The following PTPRT variants were observed in gnomAD, a reference collection of about 807,000 sequenced individuals.
PTPRT encodes protein tyrosine phosphatase receptor type T.
In PTPRT, 56 loss-of-function variants were observed where a neutral mutation model predicts 176.8. The observed-to-expected ratio is 0.32, with a 90% confidence interval of 0.26 to 0.40. The LOEUF is 0.40. PTPRT is among the 10% of genes least tolerant of loss of function. The pLI is 1.00. For synonymous variants in PTPRT, 783 were observed against 739.0 expected (o/e 1.06, Z -0.96); for missense variants, 1,540 against 1,908.2 (o/e 0.81, Z 3.60).
At chr20:43,120,556 C>A (rs2013222453) in intron 1 of PTPRT, among the ~76,000 whole-genome samples, 1 of 152,242 alleles carries the variant, frequency 6.6e-6, no homozygotes, top group Non-Finnish European at 1.5e-5. Context: ...CAGGCGTGAG[C>A]CACCACACCC....
rs550273391 is a variant in PTPRT at position 43,167,602 on chromosome 20, C to T, written c.88+22044G>A. Among the ~76,000 whole-genome samples the T allele has an allele frequency of 3.0e-4, 46 of 152,294 alleles. 1 individual carries two copies. In the South Asian group the frequency reaches 3.1e-3, roughly 10 times the overall value. ...AAGCAACAGAGCATGGTAAAGGTGA[C>T]GGGATATCATTTATGTGATTAGGCT... On this transcript the variant is annotated intron_variant, in intron 1 of 30. Transcript: ENST00000373187.
chr20:43,129,969 G>C (rs948901888), intron 1 of PTPRT, among the ~76,000 whole-genome samples: 3 of 152,144 alleles, frequency 2.0e-5, no homozygotes, highest in East Asian at 1.9e-4. Flanking sequence ...AATTCACAGA[G>C]AGACCTAGAA....
intron 6 of PTPRT, among the ~76,000 whole-genome samples, chr20:42,703,149 T>G (rs1043626467): frequency 2.0e-5 from 3 of 152,250 alleles, no homozygotes; most frequent in Admixed American, 2.0e-4. Context: ...CTGGGATTAG[T>G]ACTGCTGCAG....
At position 42,165,033 on chromosome 20, in the gene PTPRT, C is replaced by T. The variant is rs73909225; in HGVS notation, c.2492-3491G>A. Among the ~76,000 whole-genome samples the T allele has an allele frequency of 9.0e-3, 1,374 of 152,176 alleles. 11 individuals carry two copies. Among genetic ancestry groups the T allele is most frequent in the African/African-American group, 0.022 (900 of 41,518 alleles). On this transcript the variant is annotated intron_variant, in intron 16 of 30. Transcript: ENST00000373187. ...CCCTGCAGTAACTCTTGTTACTGCC[C>T]GCGAGGAGCTTGTGGGATGGGCAGA...
the PTPRT span, among the ~76,000 whole-genome samples, chr20:42,034,027 C>A: frequency 1.3e-5 from 2 of 152,126 alleles, no homozygotes; most frequent in African/African-American, 4.8e-5. Context: ...TTTTCTGTTG[C>A]GCATACTGAC....
chr20:42,453,069 C>T (rs1233651056), intron 8 of PTPRT, among the ~76,000 whole-genome samples: 7 of 152,128 alleles, frequency 4.6e-5, no homozygotes, highest in Non-Finnish European at 1.0e-4. Context: ...ATTTCTCTAT[C>T]GCATTAAAAT....
rs2037544736 is a variant in PTPRT, at chr20:43,037,106, T to C, written c.89-151174A>G. 1.3e-5 allele frequency among the ~76,000 whole-genome samples: 2 copies of C among 152,338 alleles called. 1 individual carries two copies. The highest frequency in any genetic ancestry group is 6.8e-3 in the Middle Eastern group (2 of 294). On this transcript the variant is annotated intron_variant, in intron 1 of 30. Transcript: ENST00000373187. ...TCTTCTTTCATTCTGCAAATATTCA[T>C]TGATCACCTGTAAAGTGGCAAAAAC...
intron 6 of PTPRT, among the ~76,000 whole-genome samples, chr20:42,748,182 T>A (rs2076718073): frequency 6.6e-6 from 1 of 152,160 alleles, no homozygotes; most frequent in African/African-American, 2.4e-5. Context: ...CTGAAACTAT[T>A]GACTCTAATG....
chr20:42,274,461 T>TCAC (rs1441975586), intron 13 of PTPRT, among the ~76,000 whole-genome samples: 1 of 152,056 alleles, frequency 6.6e-6, no homozygotes, highest in Non-Finnish European at 1.5e-5. Flanking sequence ...TTCTCCTGCA[T>TCAC]CACCTGGTCC....
Position 42,077,648 on chromosome 20 carries a change from AG to A in PTPRT, c.*3230del. 4.6e-6 allele frequency: 1 copy of A among 218,888 alleles called. No homozygotes were observed. Among genetic ancestry groups the A allele is most frequent in the East Asian group, 6.7e-5 (1 of 15,036 alleles). The allele number at this position is 218,888 out of a possible 1,614,324, so 13.6% of individuals were successfully genotyped here. On this transcript the variant is annotated 3_prime_UTR_variant, in exon 31 of 31. Coordinates refer to ENST00000373187, the MANE Select transcript of PTPRT (RefSeq NM_007050.6). ...CCACATCCTTGTCCCATGGGATCTT[AG>A]GGAAGTCATCCCCATCCATAAGCCT...
At chr20:42,395,391 C>A (rs1252412207) in intron 9 of PTPRT, among the ~76,000 whole-genome samples, 2 of 152,084 alleles carry the variant, frequency 1.3e-5, no homozygotes, top group South Asian at 2.1e-4. Flanking sequence ...TGAGTGAGAC[C>A]CCCTGTGCTC....
At chr20:42,547,135 T>G (rs913199314) in intron 7 of PTPRT, among the ~76,000 whole-genome samples, 14 of 152,168 alleles carry the variant, frequency 9.2e-5, no homozygotes, top group Admixed American at 5.2e-4. Flanking sequence ...TATGCCTGTG[T>G]ACGCTTTTGT....
chr20:42,540,891 T>C (rs2072567165), intron 7 of PTPRT, among the ~76,000 whole-genome samples: 1 of 152,140 alleles, frequency 6.6e-6, no homozygotes, highest in African/African-American at 2.4e-5. Context: ...GGGATGCCTG[T>C]ATGAGTGATG....
At chr20:42,613,429 A>G (rs959619608) in intron 7 of PTPRT, among the ~76,000 whole-genome samples, 1 of 152,242 alleles carries the variant, frequency 6.6e-6, no homozygotes, top group African/African-American at 2.4e-5. Context: ...TTAAATCCAT[A>G]CTAGTTATGC....
chr20:42,770,689 C>T (rs1446785215), intron 5 of PTPRT, among the ~76,000 whole-genome samples: 1 of 152,184 alleles, frequency 6.6e-6, no homozygotes, highest in Non-Finnish European at 1.5e-5. Flanking sequence ...ACCAGTGAAT[C>T]ACTGGATATC....
intron 7 of PTPRT, among the ~76,000 whole-genome samples, chr20:42,663,526 T>C (rs535016810): frequency 9.2e-5 from 14 of 152,190 alleles, no homozygotes; most frequent in East Asian, 3.9e-4. Context: ...CCAGAAGAAT[T>C]TGACTGATGT....
At chr20:42,951,010 T>G (rs974705271) in intron 1 of PTPRT, among the ~76,000 whole-genome samples, 1 of 152,278 alleles carries the variant, frequency 6.6e-6, no homozygotes, top group Non-Finnish European at 1.5e-5. Flanking sequence ...AGAGCACTTT[T>G]ATTTCTGACC....
At chr20:42,647,769 G>A (rs765441395) in intron 7 of PTPRT, among the ~76,000 whole-genome samples, 16 of 152,170 alleles carry the variant, frequency 1.1e-4, no homozygotes, top group Non-Finnish European at 1.9e-4. Context: ...ACCGGCTGAC[G>A]CTCATTAAAC....
chr20:42,125,819 C>A (rs1415413747), intron 19 of PTPRT, among the ~76,000 whole-genome samples: 1 of 152,100 alleles, frequency 6.6e-6, no homozygotes, highest in Non-Finnish European at 1.5e-5. Flanking sequence ...AGGAAAATGA[C>A]TTTTGTTGGG....
Sources: gnomAD v4.1 joint callset for allele counts (sites outside exome capture counted in the v4.1 genomes callset) on GRCh38, gnomAD v4.1.1 for gene constraint, MANE v1.5 for transcripts, NCBI Gene and HGNC (gene_info 2026-07-23, HGNC 2026-07-21) for gene names.